The following MON1A variants were observed in gnomAD, a reference collection of about 807,000 sequenced individuals.
The protein encoded by MON1A is MON1 vesicular trafficking associated A.
Under a neutral mutation model 44.6 loss-of-function variants are expected in MON1A, and 29 were observed. The ratio of observed to expected loss-of-function variants is 0.65; its 90% CI spans 0.48 to 0.89. The LOEUF is 0.89. MON1A is among the 40% of genes least tolerant of loss of function. The probability of loss-of-function intolerance (pLI) is 0.00; values close to 1 mark genes in which losing one functional copy is unlikely to be tolerated. For missense variants in MON1A, 615 were observed against 759.6 expected (o/e 0.81, Z 2.24); for synonymous variants, 275 against 316.4 (o/e 0.87, Z 1.39).
rs144228669 is a variant in MON1A, at chr3:49,912,954, G to C, written c.127+266C>G. 5.2e-6 allele frequency: 3 copies of C among 575,258 alleles called. No homozygotes were observed. The Admixed American group carries it at 7.1e-5, about 14-fold the overall frequency. 35.6% of individuals were successfully genotyped at this position (575,258 alleles called of 1,614,324 possible). A position where few individuals can be genotyped will look rare whatever the true frequency, so the allele number is the denominator to read the frequency against. On this transcript the variant is annotated intron_variant, in intron 2 of 5. Coordinates refer to ENST00000296473, the MANE Select transcript of MON1A (RefSeq NM_032355.4). Reference sequence around the variant, plus strand: ...ACTCGTGAGGAGGGGAGAAGGAGCCGGGGAGGTGCGCTGTAGACACAGGGA... The same window carrying C: ...ACTCGTGAGGAGGGGAGAAGGAGCCCGGGAGGTGCGCTGTAGACACAGGGA...
intron 1 of MON1A, among the ~76,000 whole-genome samples, chr3:49,922,584 AAAG>A (rs1018308057): frequency 6.1e-5 from 9 of 148,504 alleles, no homozygotes; most frequent in African/African-American, 1.7e-4. Flanking sequence ...GGAAGGAAGG[AAAG>A]AAGGAAGGAA....
At chr3:49,926,536 A>G (rs1001200570) in intron 1 of MON1A, among the ~76,000 whole-genome samples, 1 of 152,110 alleles carries the variant, frequency 6.6e-6, no homozygotes, top group African/African-American at 2.4e-5. Flanking sequence ...AGCTAACTGT[A>G]GCCCTGGCCT....
rs758815661 is a variant in MON1A at position 49,910,755 on chromosome 3, G to A, written c.743C>T (p.Thr248Ile). The change falls in exon 4 of 6, where the codon ACC becomes ATC. Residue 248 changes from threonine (T) to isoleucine (I), a missense_variant. By Grantham distance (89) the Thr-to-Ile change is moderately conservative. Coordinates refer to ENST00000296473, the MANE Select transcript of MON1A (RefSeq NM_032355.4). The surrounding 1 kb of genome is among the most constrained non-coding windows in gnomAD (Gnocchi z 8.0). ...YIYYQILSLL[T>I]GAQLSHIFQQ... ...GAAGATGTGGCTCAGCTGCGCACCGGTAAGAAGGCTTAGGATCTGGTAGTA... is the reference window on the plus strand; with the variant it reads ...GAAGATGTGGCTCAGCTGCGCACCGATAAGAAGGCTTAGGATCTGGTAGTA... 9.3e-6 allele frequency: 15 copies of A among 1,614,140 alleles called. No individual in the cohort carries two copies. Among genetic ancestry groups the A allele is most frequent in the Non-Finnish European group, 8.5e-6 (10 of 1,180,012 alleles).
chr3:49,919,583 G>A (rs535234379), intron 1 of MON1A, among the ~76,000 whole-genome samples: 18 of 152,244 alleles, frequency 1.2e-4, no homozygotes, highest in African/African-American at 3.1e-4. Context: ...GGGTTCAAGC[G>A]ATGCTCCTCC....
chr3:49,928,670 T>C (rs2083070930), intron 1 of MON1A, among the ~76,000 whole-genome samples: 1 of 152,122 alleles, frequency 6.6e-6, no homozygotes, highest in African/African-American at 2.4e-5. Context: ...CTTAACCCTT[T>C]GGAGCGGCCT....
intron 2 of MON1A, 89 bp downstream of exon 2, chr3:49,913,131 A>G (rs757971304): frequency 6.4e-7 from 1 of 1,551,938 alleles, no homozygotes; most frequent in East Asian, 2.2e-5. Flanking sequence ...TGCATGAATA[A>G]GTGGAAAGGA....
In MON1A at chr3:49,910,143, G is replaced by C; in HGVS notation, c.1355C>G (p.Ser452Ter). ...IPDLRHFLYKSKSSGLFTSPE... is the reference protein window; with the variant it reads ...IPDLRHFLYK ...CCTGGTGAAGAGTCCCGAGCTCTTTGACTTATAGAGGAAGTGACGCAGGTC... is the reference window on the plus strand; with the variant it reads ...CCTGGTGAAGAGTCCCGAGCTCTTTCACTTATAGAGGAAGTGACGCAGGTC... Residue 452 changes from serine (S) to a stop codon, truncating the protein, a stop_gained, in exon 4 of 6, where the codon TCA (serine) becomes TGA (stop). Transcript: ENST00000296473. LOFTEE classifies it high-confidence loss of function. This position sits in a 1 kb window ranked among gnomAD's most constrained non-coding sequence, Gnocchi z 8.0. 2 of 1,604,206 alleles carry C rather than the reference G, an allele frequency of 1.2e-6. No homozygotes were observed. Among genetic ancestry groups the C allele is most frequent in the Non-Finnish European group, 1.7e-6 (2 of 1,172,464 alleles).
chr3:49,925,817 TG>T (rs1013724355), intron 1 of MON1A, among the ~76,000 whole-genome samples: 6 of 152,222 alleles, frequency 3.9e-5, no homozygotes, highest in African/African-American at 1.4e-4. Flanking sequence ...AGATTACTGA[TG>T]TTAAGTGGGA....
chr3:49,918,145 T>A (rs1442950658), intron 1 of MON1A, among the ~76,000 whole-genome samples: 1 of 152,036 alleles, frequency 6.6e-6, no homozygotes, highest in Non-Finnish European at 1.5e-5. Context: ...GCAACCAGCC[T>A]GACTAACATG....
rs1327270648 is a variant in MON1A, at chr3:49,911,240, A to AGAT, written c.613+283_613+285dup. On this transcript the variant is annotated intron_variant, in intron 3 of 5. Transcript: ENST00000296473. The surrounding 1 kb of genome is among the most constrained non-coding windows in gnomAD (Gnocchi z 5.7). ...TAGATAGATAGATAGATAGATAGAT[A>AGAT]GATAGAGTTTGTTGTTGTTGTTGTT... 1.0e-3 allele frequency among the ~76,000 whole-genome samples: 116 copies of AGAT among 116,390 alleles called. No homozygotes were observed. The highest frequency in any genetic ancestry group is 3.5e-3 in the African/African-American group (109 of 30,796). 76.4% of individuals were successfully genotyped at this position (116,390 alleles called of 152,430 possible). A position where few individuals can be genotyped will look rare whatever the true frequency, so the allele number is the denominator to read the frequency against.
At chr3:49,917,173 G>A (rs965127822) in intron 1 of MON1A, among the ~76,000 whole-genome samples, 14 of 152,192 alleles carry the variant, frequency 9.2e-5, no homozygotes, top group African/African-American at 3.1e-4. Context: ...TGTTGCTCAG[G>A]CTGGTCTCCA....
chr3:49,920,436 T>C (rs941693747), intron 1 of MON1A: 1 of 152,322 alleles, frequency 6.6e-6, no homozygotes, highest in Middle Eastern at 3.4e-3. Context: ...ATTAATACTT[T>C]TTTTTAATCT....
At chr3:49,912,238 G>A (rs961767258) in intron 2 of MON1A, among the ~76,000 whole-genome samples, 6 of 152,108 alleles carry the variant, frequency 3.9e-5, no homozygotes, top group Admixed American at 1.3e-4. Flanking sequence ...TGGCAGCAGT[G>A]GTGGCTGGTA....
At position 49,929,667 on chromosome 3, in the gene MON1A, C is replaced by T; in HGVS notation, c.-72G>A. ...GTGCCGGTCACTGCCCTCTGCCGGACCCATGGAGGGGTAAGGGTGTCCGGC... is the reference window on the plus strand; with the variant it reads ...GTGCCGGTCACTGCCCTCTGCCGGATCCATGGAGGGGTAAGGGTGTCCGGC... On this transcript the variant is annotated 5_prime_UTR_variant, in exon 1 of 6. Transcript: ENST00000296473. 6.4e-7 allele frequency: 1 copy of T among 1,551,364 alleles called. No individual in the cohort carries two copies. The highest frequency in any genetic ancestry group is 8.7e-7 in the Non-Finnish European group (1 of 1,146,932).
intron 1 of MON1A, among the ~76,000 whole-genome samples, chr3:49,919,800 G>A (rs1362797654): frequency 6.6e-6 from 1 of 152,024 alleles, no homozygotes; most frequent in Non-Finnish European, 1.5e-5. Flanking sequence ...CCTATTTTTT[G>A]CTCACATAAA....
intron 1 of MON1A, among the ~76,000 whole-genome samples, chr3:49,922,424 G>A (rs1214982271): frequency 2.6e-5 from 4 of 151,830 alleles, no homozygotes; most frequent in Non-Finnish European, 4.4e-5. Flanking sequence ...CCCAGGAGGC[G>A]GAGGTTGAGA....
At chr3:49,913,145 A>C in intron 2 of MON1A, 75 bp downstream of exon 2, 1 of 1,592,382 alleles carries the variant, frequency 6.3e-7, no homozygotes, top group Non-Finnish European at 8.6e-7. Flanking sequence ...GAAAGGAAAA[A>C]GTGGTTGGGA....
intron 1 of MON1A, 72 bp from the exon 2 acceptor site, chr3:49,913,431 T>G: frequency 6.8e-7 from 1 of 1,472,006 alleles, no homozygotes; most frequent in Admixed American, 2.0e-5. Context: ...TGGTAGTAAG[T>G]ACAGGAAAGT....
chr3:49,914,306 C>T (rs1483803191), intron 1 of MON1A, among the ~76,000 whole-genome samples: 1 of 151,838 alleles, frequency 6.6e-6, no homozygotes, highest in Non-Finnish European at 1.5e-5. Context: ...TGCTCTCGAA[C>T]TCCCGACCTC....
Sources: allele counts gnomAD v4.1 joint callset (sites outside exome capture counted in the v4.1 genomes callset), GRCh38; gene constraint gnomAD v4.1.1; non-coding constraint Gnocchi (gnomAD v3.1); transcripts MANE v1.5; gene names NCBI Gene and HGNC (gene_info 2026-07-23, HGNC 2026-07-21).